The following ALG12 variants were observed in gnomAD, a reference collection of about 807,000 sequenced individuals.
ALG12 encodes the protein ALG12 alpha-1,6-mannosyltransferase.
Under a neutral mutation model 46.0 loss-of-function variants are expected in ALG12, and 36 were observed. The ratio of observed to expected loss-of-function variants is 0.78; its 90% confidence interval spans 0.60 to 1.03. The LOEUF (loss-of-function observed/expected upper bound fraction) is 1.03. Ranked by LOEUF, ALG12 falls within the 50% of genes least tolerant of loss-of-function variation. The pLI, the probability that ALG12 is intolerant of heterozygous loss-of-function variation, is 0.00. For synonymous variants in ALG12, 326 were observed against 291.6 expected (o/e 1.12, Z -1.20); for missense variants, 599 against 633.5 (o/e 0.95, Z 0.58).
chr22:49,894,574 G>A, the ALG12 span, among the ~76,000 whole-genome samples: 2 of 152,328 alleles, frequency 1.3e-5, no homozygotes, highest in African/African-American at 4.8e-5. Context: ...GAGATGGAGG[G>A]ACAGCTCAGT....
the ALG12 span, chr22:49,886,656 C>T: frequency 4.5e-5 from 72 of 1,603,694 alleles, no homozygotes; most frequent in Non-Finnish European, 6.0e-5. This position sits in a 1 kb window ranked among gnomAD's most constrained non-coding sequence, Gnocchi z 7.7. Flanking sequence ...CCACCCTCCA[C>T]GACCCGCGGT....
chr22:49,866,961 G>GTTTGC, the ALG12 span, among the ~76,000 whole-genome samples: 30 of 152,122 alleles, frequency 2.0e-4, no homozygotes, highest in Admixed American at 6.6e-4. Context: ...CATTGGTTTG[G>GTTTGC]TTTGCTGTTT....
chr22:49,869,253 G>A, the ALG12 span, among the ~76,000 whole-genome samples: 1 of 152,302 alleles, frequency 6.6e-6, no homozygotes, highest in South Asian at 2.1e-4. Context: ...CATGCATGTT[G>A]GTGTGTGTGT....
At chr22:49,864,491 G>A in the ALG12 span, among the ~76,000 whole-genome samples, 2 of 152,138 alleles carry the variant, frequency 1.3e-5, no homozygotes, top group Admixed American at 6.5e-5. Context: ...GGCCACGTCC[G>A]ATAAACCCAT....
chr22:49,885,596 A>G, the ALG12 span: 10 of 1,608,520 alleles, frequency 6.2e-6, no homozygotes, highest in Non-Finnish European at 5.1e-6. Context: ...GATGACACCA[A>G]TGAGAAGTTT....
the ALG12 span, among the ~76,000 whole-genome samples, chr22:49,890,319 A>C: frequency 6.6e-6 from 1 of 152,196 alleles, no homozygotes; most frequent in Admixed American, 6.6e-5. Flanking sequence ...AAAACCACCA[A>C]CAATGACAAC....
At chr22:49,909,401 C>G in intron 5 of ALG12, 54 bp from the exon 6 acceptor site, 1 of 1,539,158 alleles carries the variant, frequency 6.5e-7, no homozygotes, top group East Asian at 2.3e-5. Flanking sequence ...CAGTAAACAT[C>G]CCGCCACAAT....
At chr22:49,889,159 T>A in the ALG12 span, 1 of 167,104 alleles carries the variant, frequency 6.0e-6, no homozygotes, top group East Asian at 1.9e-4. Flanking sequence ...CAACAGAGAT[T>A]TCCGTGGACA....
rs754352857 is a variant in ALG12, at chr22:49,909,229, G to A, written c.768+15C>T. 3 of 1,612,184 alleles carry A rather than the reference G, an allele frequency of 1.9e-6. 1 individual carries two copies. In the South Asian group the frequency reaches 3.3e-5, roughly 18 times the overall value. ...GTCCCACCCATCGCCCTCCTGCACGGACACTGAAGGATACCCCCCAGTTGG... is the reference window on the plus strand; with the variant it reads ...GTCCCACCCATCGCCCTCCTGCACGAACACTGAAGGATACCCCCCAGTTGG... On this transcript the variant is annotated intron_variant, in intron 6 of 9. Coordinates refer to ENST00000330817, the MANE Select transcript of ALG12 (RefSeq NM_024105.4).
In ALG12 at chr22:49,903,378, T is replaced by C. The variant is rs2060524805; in HGVS notation, c.*460A>G. On this transcript the variant is annotated 3_prime_UTR_variant, in exon 10 of 10. Transcript: ENST00000330817. ...TGGGGGGGTGCGGCCGGGGCCACCA[T>C]GGTCTCCCCTGAGAGGGGGTGCTGT... 4.4e-6 allele frequency: 2 copies of C among 456,088 alleles called. No homozygotes were observed. The highest frequency in any genetic ancestry group is 3.1e-5 in the South Asian group (2 of 64,300). 28.3% of individuals were successfully genotyped at this position (456,088 alleles called of 1,614,324 possible).
chr22:49,876,523 T>C, the ALG12 span, among the ~76,000 whole-genome samples: 1 of 152,224 alleles, frequency 6.6e-6, no homozygotes, highest in African/African-American at 2.4e-5. Context: ...GTGATGTTGT[T>C]TGTTATATTT....
the ALG12 span, chr22:49,884,275 C>T: frequency 1.2e-6 from 2 of 1,611,510 alleles, no homozygotes; most frequent in Admixed American, 1.7e-5. Flanking sequence ...CATCCTCTCA[C>T]CCATCAAACT....
chr22:49,913,668 A>G lies in ALG12; in HGVS notation c.98T>C (p.Val33Ala), dbSNP rs1272488707. 1.2e-6 allele frequency: 2 copies of G among 1,614,018 alleles called. No homozygotes were observed. The highest frequency in any genetic ancestry group is 1.1e-5 in the South Asian group (1 of 91,084). Reference protein sequence around the residue: ...VHLVICPYTKVEESFNLQATH... With the variant: ...VHLVICPYTKAEESFNLQATH... The stretch of plus-strand genomic sequence containing the variant: ...GGCCTGCAGGTTGAAGCTCTCCTCC[A>G]CTTTGGTGTAGGGACAGATGACCAG... Residue 33 changes from valine to alanine, a missense_variant, in exon 2 of 10, where the codon GTG (valine) becomes GCG (alanine). Val to Ala is a moderately conservative substitution (Grantham distance 64). Transcript: ENST00000330817.
chr22:49,885,107 G>T, the ALG12 span: 150 of 1,613,820 alleles, frequency 9.3e-5, no homozygotes, highest in Non-Finnish European at 1.0e-4. Flanking sequence ...TACTGCGGCT[G>T]TGCCATCAGC....
At chr22:49,878,045 C>CTGT in the ALG12 span, among the ~76,000 whole-genome samples, 3 of 152,018 alleles carry the variant, frequency 2.0e-5, no homozygotes, top group African/African-American at 7.3e-5. Context: ...TGGCTCATGC[C>CTGT]TGTAATCCCA....
chr22:49,890,484 G>A, the ALG12 span, among the ~76,000 whole-genome samples: 1 of 151,922 alleles, frequency 6.6e-6, no homozygotes, highest in East Asian at 1.9e-4. Flanking sequence ...ATTAACGGAA[G>A]AAAAAATGAG....
the ALG12 span, among the ~76,000 whole-genome samples, chr22:49,872,261 G>A: frequency 7.9e-5 from 12 of 152,186 alleles, no homozygotes; most frequent in Admixed American, 2.0e-4. Context: ...ACCAGGAGTA[G>A]ATTCCATCTC....
the ALG12 span, chr22:49,889,237 C>T: frequency 2.4e-5 from 4 of 167,068 alleles, no homozygotes; most frequent in South Asian, 2.1e-4. Context: ...AGACCCAGTC[C>T]GGCACTCTGC....
the ALG12 span, among the ~76,000 whole-genome samples, chr22:49,859,973 G>A: frequency 1.4e-5 from 2 of 143,626 alleles, no homozygotes; most frequent in Non-Finnish European, 3.0e-5. Flanking sequence ...ACCAGTCTAG[G>A]CAGCATGGCA....
Sources: allele counts gnomAD v4.1 joint callset (sites outside exome capture counted in the v4.1 genomes callset), GRCh38; gene constraint gnomAD v4.1.1; non-coding constraint Gnocchi (gnomAD v3.1); transcripts MANE v1.5; gene names NCBI Gene and HGNC (gene_info 2026-07-23, HGNC 2026-07-21).